Variants in LRRC49 observed in about 807,000 individuals in gnomAD.
LRRC49 encodes leucine rich repeat containing 49, also known as leucine-rich repeat-containing protein 49.
LRRC49 carries 50 observed loss-of-function variants against 83.3 expected under a neutral mutation model. The ratio of observed to expected loss-of-function variants is 0.60; its 90% CI spans 0.48 to 0.76. LRRC49 has a LOEUF of 0.76. Among genes scored for constraint, LRRC49 ranks in the 30% least tolerant of loss-of-function variants. The pLI, the probability that LRRC49 is intolerant of heterozygous loss-of-function variation, is 0.00. For missense variants in LRRC49, 704 were observed against 809.1 expected, an observed-to-expected ratio of 0.87 and a Z score of 1.58; for synonymous variants, 286 against 283.3, an observed-to-expected ratio of 1.01 and a Z score of -0.10.
At chr15:71,038,895 A>C (rs747177970) in intron 15 of LRRC49, among the ~76,000 whole-genome samples, 9 of 152,160 alleles carry the variant, frequency 5.9e-5, no homozygotes, top group Non-Finnish European at 8.8e-5. Context: ...TGTCATACAC[A>C]ACACACTGTG....
intron 8 of LRRC49, among the ~76,000 whole-genome samples, chr15:70,949,904 C>A (rs557640268): frequency 1.1e-4 from 17 of 152,026 alleles, no homozygotes; most frequent in Non-Finnish European, 2.4e-4. Context: ...TGAATGATCC[C>A]ATTACCAAGG....
At chr15:70,956,528 C>CGA (rs770176548) in intron 8 of LRRC49, among the ~76,000 whole-genome samples, 18 of 147,486 alleles carry the variant, frequency 1.2e-4, no homozygotes, top group Non-Finnish European at 2.5e-4. Flanking sequence ...GGTGGGGTGG[C>CGA]GAGAGAGAGA....
chr15:71,044,642 T>C (rs2039795813), intron 15 of LRRC49, among the ~76,000 whole-genome samples: 1 of 151,676 alleles, frequency 6.6e-6, no homozygotes, highest in Non-Finnish European at 1.5e-5. Context: ...TAAAATTAGC[T>C]GGGTGTGGTG....
At chr15:71,025,594 G>A (rs1013669156) in intron 14 of LRRC49, among the ~76,000 whole-genome samples, 13 of 151,954 alleles carry the variant, frequency 8.6e-5, no homozygotes, top group Admixed American at 2.0e-4. Context: ...AAGACCCATC[G>A]GTGTGCTGTA....
intron 8 of LRRC49, among the ~76,000 whole-genome samples, chr15:70,941,945 T>C (rs1406922557): frequency 6.6e-6 from 1 of 152,130 alleles, no homozygotes; most frequent in Non-Finnish European, 1.5e-5. Flanking sequence ...AACCAACTTA[T>C]AAATATATAT....
intron 14 of LRRC49, among the ~76,000 whole-genome samples, chr15:71,014,183 G>A (rs1021863080): frequency 2.0e-5 from 3 of 151,928 alleles, no homozygotes; most frequent in Non-Finnish European, 4.4e-5. Flanking sequence ...GAAAGAAATC[G>A]GTAAAAATTA....
chr15:71,029,085 G>C (rs1567107425), intron 14 of LRRC49, among the ~76,000 whole-genome samples: 1 of 152,100 alleles, frequency 6.6e-6, no homozygotes, highest in African/African-American at 2.4e-5. Context: ...GGGGCATTTA[G>C]TGCTATAAAT....
At chr15:70,922,189 AGAAAG>A (rs2035032009) in intron 7 of LRRC49, among the ~76,000 whole-genome samples, 1 of 152,186 alleles carries the variant, frequency 6.6e-6, no homozygotes, top group Admixed American at 6.5e-5. Flanking sequence ...TATTTCCAAA[AGAAAG>A]GAAGTCAGGA....
At chr15:70,963,602 A>G (rs2036685382) in intron 8 of LRRC49, among the ~76,000 whole-genome samples, 183 bp from the exon 9 acceptor site, 1 of 152,186 alleles carries the variant, frequency 6.6e-6, no homozygotes, top group Admixed American at 6.5e-5. Context: ...ATTGTAACAA[A>G]TGTACTATAC....
At chr15:70,888,645 A>T (rs970153770), upstream of LRRC49, among the ~76,000 whole-genome samples, 6 of 152,200 alleles carry the variant, frequency 3.9e-5, no homozygotes, top group African/African-American at 1.4e-4. Context: ...TAAGAACTTC[A>T]GTACATCAAA....
intron 7 of LRRC49, among the ~76,000 whole-genome samples, chr15:70,924,269 A>T (rs766985509): frequency 6.6e-6 from 1 of 151,902 alleles, no homozygotes; most frequent in Non-Finnish European, 1.5e-5. Context: ...TAATCTGAGA[A>T]TCTGTCTTAT....
chr15:70,926,814 A>C (rs2035219124), intron 7 of LRRC49, among the ~76,000 whole-genome samples: 1 of 152,084 alleles, frequency 6.6e-6, no homozygotes, highest in Non-Finnish European at 1.5e-5. Flanking sequence ...TGATGGTTTA[A>C]ATTTTTGCAA....
intron 8 of LRRC49, among the ~76,000 whole-genome samples, chr15:70,937,651 G>A (rs1431900628): frequency 6.6e-6 from 1 of 152,180 alleles, no homozygotes; most frequent in African/African-American, 2.4e-5. Context: ...TTTAATTTTT[G>A]TGTGTTGTCT....
intron 1 of LRRC49, among the ~76,000 whole-genome samples, chr15:70,860,476 G>A (rs1476110601): frequency 6.6e-6 from 1 of 152,204 alleles, no homozygotes; most frequent in African/African-American, 2.4e-5. Flanking sequence ...GTGCAGTGGA[G>A]TGATCATAAC....
intron 14 of LRRC49, among the ~76,000 whole-genome samples, chr15:71,032,511 A>G (rs1410482965): frequency 1.3e-5 from 2 of 152,200 alleles, no homozygotes; most frequent in Non-Finnish European, 2.9e-5. Context: ...ATCTCATTTT[A>G]TGAGGCCATT....
Position 70,901,025 on chromosome 15 carries a change from G to T in LRRC49, c.296+1G>T. ...ACTCAGACAGGTTGAGCCTAGAAAG[G>T]TGAGGACAATTTCTTTTCTTTTCTT... On this transcript the variant is annotated splice_donor_variant, in intron 4 of 15. Transcript: ENST00000260382. LOFTEE classifies it high-confidence loss of function. 6.4e-7 allele frequency: 1 copy of T among 1,571,926 alleles called. No homozygotes were observed. The highest frequency in any genetic ancestry group is 8.7e-7 in the Non-Finnish European group (1 of 1,151,198).
At chr15:70,942,184 A>G (rs2035846535) in intron 8 of LRRC49, among the ~76,000 whole-genome samples, 1 of 152,104 alleles carries the variant, frequency 6.6e-6, no homozygotes, top group African/African-American at 2.4e-5. Flanking sequence ...TCACACATAC[A>G]TATTTGAGAG....
intron 11 of LRRC49, among the ~76,000 whole-genome samples, chr15:70,988,432 T>C (rs2037720360): frequency 1.3e-5 from 2 of 151,434 alleles, no homozygotes; most frequent in African/African-American, 4.8e-5. Flanking sequence ...GTTTAAAGTC[T>C]GTTTTATCAG....
intron 2 of LRRC49, among the ~76,000 whole-genome samples, chr15:70,875,233 A>G (rs531053333): frequency 7.2e-5 from 11 of 152,298 alleles, no homozygotes; most frequent in African/African-American, 2.6e-4. Context: ...CAGCAACTCC[A>G]TCTAGTGTCT....
Sources: allele counts gnomAD v4.1 joint callset (sites outside exome capture counted in the v4.1 genomes callset), GRCh38; gene constraint gnomAD v4.1.1; transcripts MANE v1.5; gene names NCBI Gene and HGNC (gene_info 2026-07-23, HGNC 2026-07-21).